Variants in APLP2 observed in about 807,000 individuals in gnomAD.
APLP2 encodes the protein amyloid beta precursor like protein 2, also known as CDEI box-binding protein.
In APLP2, 53 loss-of-function variants were observed where a neutral mutation model predicts 89.9. The observed-to-expected ratio is 0.59, with a 90% CI of 0.47 to 0.74. The LOEUF (loss-of-function observed/expected upper bound fraction) is 0.74, where lower values mean the gene tolerates loss of function less well. Ranked by LOEUF, APLP2 falls within the 30% of genes least tolerant of loss-of-function variation. APLP2 has a pLI of 0.00. For missense variants in APLP2, 973 were observed against 975.9 expected (o/e 1.00, Z 0.04); for synonymous variants, 372 against 348.6 (o/e 1.07, Z -0.75).
Position 130,141,049 on chromosome 11 carries a change from G to A in APLP2, c.1924-449G>A. 1 of 157,916 alleles carries A rather than the reference G, an allele frequency of 6.3e-6. No homozygotes were observed. The highest frequency in any genetic ancestry group is 1.4e-5 in the Non-Finnish European group (1 of 71,698). 9.8% of individuals were successfully genotyped at this position (157,916 alleles called of 1,614,324 possible). ...AGCCTCCCAAGTAGCTGGGACTACA[G>A]GCGTCCGCCACCACGCCTGGCTAAT... is the stretch of plus-strand genomic sequence containing the variant. On this transcript the variant is annotated intron_variant, in intron 14 of 16. Transcript: ENST00000338167. This position sits in a 1 kb window ranked among gnomAD's most constrained non-coding sequence, Gnocchi z 4.2.
chr11:130,137,336 C>T (rs1951751677), intron 13 of APLP2: 1 of 1,538,982 alleles, frequency 6.5e-7, no homozygotes, highest in Non-Finnish European at 9.0e-7. Context: ...CATTCCTCTC[C>T]ACTCCCTAGT....
At chr11:130,105,709 T>G (rs1283464961) in intron 1 of APLP2, among the ~76,000 whole-genome samples, 1 of 148,216 alleles carries the variant, frequency 6.7e-6, no homozygotes, top group Non-Finnish European at 1.5e-5. Context: ...TGCTTTTTTT[T>G]TTTTTTTTTT....
chr11:130,075,045 G>A (rs919688006), intron 1 of APLP2, among the ~76,000 whole-genome samples: 5 of 152,230 alleles, frequency 3.3e-5, no homozygotes, highest in African/African-American at 1.2e-4. Context: ...AGTGGACTAT[G>A]TAGGCACATT....
chr11:130,138,873 A>G (rs1400768115), intron 13 of APLP2: 1 of 151,082 alleles, frequency 6.6e-6, no homozygotes, highest in Non-Finnish European at 1.5e-5. Context: ...TGCTGGGATT[A>G]TAGGCATGAG....
chr11:130,106,339 C>T (rs1014275006), intron 1 of APLP2, among the ~76,000 whole-genome samples: 3 of 152,206 alleles, frequency 2.0e-5, no homozygotes, highest in Non-Finnish European at 4.4e-5. Flanking sequence ...ACCACTCCAC[C>T]TTAGCCCAAG....
At chr11:130,112,535 A>G (rs775537417) in intron 3 of APLP2, among the ~76,000 whole-genome samples, 14 of 139,060 alleles carry the variant, frequency 1.0e-4, no homozygotes, top group Non-Finnish European at 2.0e-4. Flanking sequence ...TACTTTTTTT[A>G]GCCTAGGAAT....
intron 4 of APLP2, 50 bp downstream of exon 4, chr11:130,120,868 G>C (rs1488900046): frequency 2.3e-6 from 3 of 1,297,164 alleles, no homozygotes; most frequent in African/African-American, 2.9e-5. Flanking sequence ...TGTTAGGAGG[G>C]AAGTAGCACT....
intron 1 of APLP2, among the ~76,000 whole-genome samples, chr11:130,083,429 A>G (rs1943581118): frequency 6.6e-6 from 1 of 152,214 alleles, no homozygotes; most frequent in South Asian, 2.1e-4. Flanking sequence ...AAAATGTTAT[A>G]CAGCAAATCT....
intron 10 of APLP2, 50 bp from the exon 11 acceptor site, chr11:130,129,988 T>G: frequency 6.3e-7 from 1 of 1,588,816 alleles, no homozygotes; most frequent in Non-Finnish European, 8.6e-7. Context: ...TTCCTGCCTA[T>G]TTTCAATTCT....
intron 12 of APLP2, 52 bp downstream of exon 12, chr11:130,133,780 C>T: frequency 1.4e-6 from 2 of 1,399,896 alleles, no homozygotes; most frequent in South Asian, 1.2e-5. Context: ...TGCAGAGGCT[C>T]AGGAGTGAAA....
chr11:130,118,425 C>A (rs1166077930), intron 3 of APLP2, among the ~76,000 whole-genome samples: 1 of 152,208 alleles, frequency 6.6e-6, no homozygotes, highest in South Asian at 2.1e-4. Flanking sequence ...ATAAAGAAAC[C>A]GAGGGACAGA....
intron 1 of APLP2, among the ~76,000 whole-genome samples, chr11:130,097,494 G>A (rs1236834135): frequency 3.9e-5 from 6 of 152,162 alleles, no homozygotes; most frequent in African/African-American, 9.7e-5. Context: ...GGGAGTACAA[G>A]ACCAGCCTGG....
chr11:130,087,452 G>A lies in APLP2; in HGVS notation c.105+17370G>A, dbSNP rs564282849. On this transcript the variant is annotated intron_variant, in intron 1 of 16. Coordinates refer to ENST00000338167, the MANE Select transcript of APLP2 (RefSeq NM_001142276.2). ...GCAGGGGCTAAGTAGTGGCAGCCCC[G>A]CTTCAGTTGGTGAAGAGAGCCTGTG... is the stretch of plus-strand genomic sequence containing the variant. Among the ~76,000 whole-genome samples the A allele has an allele frequency of 2.6e-5, 4 of 152,260 alleles. No individual in the cohort carries two copies. In the South Asian group the frequency reaches 8.3e-4, roughly 32 times the overall value.
intron 3 of APLP2, among the ~76,000 whole-genome samples, chr11:130,111,384 C>T (rs1565578936): frequency 6.7e-6 from 1 of 149,526 alleles, no homozygotes; most frequent in Non-Finnish European, 1.5e-5. Flanking sequence ...CTTCAAAGGG[C>T]AAAAAAAAAT....
At chr11:130,130,195 C>G in intron 11 of APLP2, 29 bp downstream of exon 11, 1 of 1,614,128 alleles carries the variant, frequency 6.2e-7, no homozygotes, top group Non-Finnish European at 8.5e-7. Flanking sequence ...AAATTGCTGC[C>G]GTGAGGGCAT....
intron 16 of APLP2, among the ~76,000 whole-genome samples, chr11:130,142,932 C>T (rs1047051929): frequency 2.0e-5 from 3 of 152,172 alleles, no homozygotes; most frequent in African/African-American, 7.2e-5. Flanking sequence ...GTTTTATCTC[C>T]TGCTGGAGAC....
chr11:130,090,266 TTTA>T lies in APLP2; in HGVS notation c.106-19162_106-19160del, dbSNP rs1488869711. ...CTCTGTCTTTTTTTTTTTTTTTTTT[TTTA>T]AATTTATTTTTTTATTGATAATTCT... is the stretch of plus-strand genomic sequence containing the variant. On this transcript the variant is annotated intron_variant, in intron 1 of 16. Coordinates refer to ENST00000338167, the MANE Select transcript of APLP2 (RefSeq NM_001142276.2). Among the ~76,000 whole-genome samples, 117 of 146,942 alleles carry T rather than the reference TTTA, an allele frequency of 8.0e-4. No individual in the cohort carries two copies. The Middle Eastern group carries it at 0.01, about 13-fold the overall frequency.
chr11:130,090,679 G>A (rs924314723), intron 1 of APLP2, among the ~76,000 whole-genome samples: 7 of 152,118 alleles, frequency 4.6e-5, no homozygotes, highest in Admixed American at 6.5e-5. Context: ...ACACAGACAC[G>A]GCAACCATCC....
chr11:130,076,016 A>AT (rs1484563100), intron 1 of APLP2, among the ~76,000 whole-genome samples: 3 of 152,022 alleles, frequency 2.0e-5, no homozygotes, highest in Admixed American at 6.6e-5. Flanking sequence ...CCATTGATTT[A>AT]TTTTTTTCTT....
Sources: gnomAD v4.1 joint callset for allele counts (sites outside exome capture counted in the v4.1 genomes callset) on GRCh38, gnomAD v4.1.1 for gene constraint, Gnocchi (gnomAD v3.1) non-coding constraint, MANE v1.5 for transcripts, NCBI Gene and HGNC (gene_info 2026-07-23, HGNC 2026-07-21) for gene names.